The following FGGY variants were observed in gnomAD, a reference collection of about 807,000 sequenced individuals.
The protein encoded by FGGY is FGGY carbohydrate kinase domain-containing protein.
FGGY carries 72 observed loss-of-function variants against 71.3 expected under a neutral mutation model. That is an observed-to-expected ratio of 1.01 (90% CI 0.84 to 1.23). FGGY has a LOEUF of 1.23. Ranked by LOEUF, FGGY falls within the 50% of genes most tolerant of loss-of-function variation. The pLI, the probability that FGGY is intolerant of heterozygous loss-of-function variation, is 0.00. For missense variants in FGGY, 668 were observed against 682.3 expected (o/e 0.98, Z 0.23); for synonymous variants, 251 against 250.3 (o/e 1.00, Z -0.02).
intron 1 of FGGY, chr1:59,310,045 C>T (rs2044027016): frequency 6.6e-6 from 1 of 151,764 alleles, no homozygotes; most frequent in Non-Finnish European, 1.5e-5. Flanking sequence ...AGACTTCAAC[C>T]CATCTGTGAC....
Position 59,662,556 on chromosome 1 carries a change from T to C in FGGY, c.1296+2263T>C, listed in dbSNP as rs560617003. Among the ~76,000 whole-genome samples, 9 of 152,324 alleles carry C rather than the reference T, an allele frequency of 5.9e-5. No individual in the cohort carries two copies. In the South Asian group the frequency reaches 1.7e-3, roughly 28 times the overall value. On this transcript the variant is annotated intron_variant, in intron 12 of 15. Coordinates refer to ENST00000303721, the MANE Select transcript of FGGY (RefSeq NM_018291.5). ...AGACATGTGAAGTACAGTCATCTGCTACATAACGTTTTGGTTAACGAGGGA... is the reference window on the plus strand; with the variant it reads ...AGACATGTGAAGTACAGTCATCTGCCACATAACGTTTTGGTTAACGAGGGA...
intron 4 of FGGY, among the ~76,000 whole-genome samples, chr1:59,354,467 G>A (rs1309019674): frequency 6.6e-6 from 1 of 152,148 alleles, no homozygotes; most frequent in Admixed American, 6.5e-5. Context: ...GGCAAGGCTG[G>A]GATTTGAACT....
At chr1:59,373,717 C>A (rs1039043239) in intron 4 of FGGY, among the ~76,000 whole-genome samples, 6 of 152,024 alleles carry the variant, frequency 3.9e-5, no homozygotes, top group Non-Finnish European at 8.8e-5. Flanking sequence ...AGATATAGAT[C>A]AATGGAACAG....
chr1:59,440,306 C>G (rs1322425390), intron 5 of FGGY, among the ~76,000 whole-genome samples: 1 of 152,116 alleles, frequency 6.6e-6, no homozygotes, highest in African/African-American at 2.4e-5. Context: ...AAAGCTCCTT[C>G]TTGCAAATTA....
chr1:59,760,836 T>C (rs940146979), intron 15 of FGGY, among the ~76,000 whole-genome samples: 4 of 152,210 alleles, frequency 2.6e-5, no homozygotes, highest in African/African-American at 9.6e-5. Flanking sequence ...ATTTTGAGAT[T>C]CTAAAGTCAA....
chr1:59,540,267 G>GA (rs2153685629), intron 7 of FGGY, among the ~76,000 whole-genome samples: 1 of 152,100 alleles, frequency 6.6e-6, no homozygotes, highest in East Asian at 1.9e-4. Flanking sequence ...ATGTGTACCA[G>GA]AAAAAATACG....
At chr1:59,326,573 T>C (rs2047463482) in intron 2 of FGGY, among the ~76,000 whole-genome samples, 3 of 152,232 alleles carry the variant, frequency 2.0e-5, no homozygotes, top group South Asian at 2.1e-4. Context: ...AGGTGGTATG[T>C]GATAAGGCAG....
In FGGY at chr1:59,414,175, A is replaced by C. The variant is rs1246077788; in HGVS notation, c.554+35338A>C. Among the ~76,000 whole-genome samples the C allele has an allele frequency of 2.6e-5, 4 of 152,210 alleles. No individual in the cohort carries two copies. The East Asian group carries it at 5.8e-4, about 22-fold the overall frequency. On this transcript the variant is annotated intron_variant, in intron 5 of 15. Coordinates refer to ENST00000303721, the MANE Select transcript of FGGY (RefSeq NM_018291.5). Reference sequence around the variant, plus strand: ...CTTTACCTTCCTTGTGCCATAATTAATTTGCTCTATTCTGTTTGTTCAGGA... The same window carrying C: ...CTTTACCTTCCTTGTGCCATAATTACTTTGCTCTATTCTGTTTGTTCAGGA...
chr1:59,324,891 C>G (rs1198360178), intron 2 of FGGY, among the ~76,000 whole-genome samples: 3 of 152,162 alleles, frequency 2.0e-5, no homozygotes, highest in Non-Finnish European at 4.4e-5. Context: ...AGTGTGTGCC[C>G]CCTCAGCAGG....
At chr1:59,552,438 A>C (rs907614839) in intron 7 of FGGY, among the ~76,000 whole-genome samples, 1 of 152,216 alleles carries the variant, frequency 6.6e-6, no homozygotes, top group African/African-American at 2.4e-5. Context: ...CCTCTGAACA[A>C]TAGCAGAGAT....
intron 8 of FGGY, among the ~76,000 whole-genome samples, chr1:59,574,023 A>T (rs2096035676): frequency 6.6e-6 from 1 of 152,202 alleles, no homozygotes; most frequent in South Asian, 2.1e-4. Context: ...GGAGTGGTAG[A>T]TAAAATATCT....
At chr1:59,561,801 G>T (rs184638528) in intron 8 of FGGY, among the ~76,000 whole-genome samples, 1 of 152,308 alleles carries the variant, frequency 6.6e-6, no homozygotes, top group East Asian at 1.9e-4. Flanking sequence ...TGACCAGAGA[G>T]TCCTTCCTCC....
intron 8 of FGGY, among the ~76,000 whole-genome samples, chr1:59,582,171 C>T (rs1472978632): frequency 2.0e-5 from 3 of 149,382 alleles, no homozygotes; most frequent in Non-Finnish European, 4.4e-5. Context: ...ATCACTTGAA[C>T]CCAGGAATTT....
At chr1:59,626,405 T>C (rs574585301) in intron 10 of FGGY, 18 of 183,598 alleles carry the variant, frequency 9.8e-5, no homozygotes, top group African/African-American at 4.2e-4. Flanking sequence ...TTTATGCCTG[T>C]CTCTTCATCT....
intron 14 of FGGY, chr1:59,697,721 C>G: frequency 1.5e-6 from 2 of 1,300,678 alleles, no homozygotes; most frequent in Non-Finnish European, 2.0e-6. Flanking sequence ...ATCAGACTCT[C>G]TTCTTCCAGT....
chr1:59,318,003 A>G (rs1009906922), intron 1 of FGGY, among the ~76,000 whole-genome samples: 1 of 152,206 alleles, frequency 6.6e-6, no homozygotes, highest in African/African-American at 2.4e-5. Context: ...GGCCCCCAGC[A>G]GAGTCCTTGA....
Position 59,477,684 on chromosome 1 carries a change from GA to G in FGGY, c.670+20613del, listed in dbSNP as rs774901252. Among the ~76,000 whole-genome samples, 8 of 152,154 alleles carry G rather than the reference GA, an allele frequency of 5.3e-5. 1 individual carries two copies. Among genetic ancestry groups the G allele is most frequent in the African/African-American group, 9.6e-5 (4 of 41,508 alleles). The stretch of plus-strand genomic sequence containing the variant: ...AAATGTACAATCTATTATGAGGGGG[GA>G]AAAACCCACTGTAATTTTCCCCCCA... On this transcript the variant is annotated intron_variant, in intron 6 of 15. Coordinates refer to ENST00000303721, the MANE Select transcript of FGGY (RefSeq NM_018291.5).
chr1:59,364,648 G>A (rs928221364), intron 4 of FGGY, among the ~76,000 whole-genome samples: 1 of 152,198 alleles, frequency 6.6e-6, no homozygotes, highest in Non-Finnish European at 1.5e-5. Flanking sequence ...TAGTGAGAGA[G>A]ACAGACAAAT....
intron 9 of FGGY, among the ~76,000 whole-genome samples, chr1:59,611,560 A>T (rs2096679675): frequency 6.6e-6 from 1 of 152,236 alleles, no homozygotes; most frequent in Non-Finnish European, 1.5e-5. Flanking sequence ...AAAACAGAGC[A>T]GAAAAACTGA....
Sources: allele counts gnomAD v4.1 joint callset (sites outside exome capture counted in the v4.1 genomes callset), GRCh38; gene constraint gnomAD v4.1.1; transcripts MANE v1.5; gene names NCBI Gene and HGNC (gene_info 2026-07-23, HGNC 2026-07-21).